SHISA9: variants seen among roughly 807,000 people sequenced by gnomAD.
SHISA9 encodes shisa family member 9, also known as protein shisa-9.
Under a neutral mutation model 38.0 loss-of-function variants are expected in SHISA9, and 13 were observed. That is an observed-to-expected ratio of 0.34 (90% CI 0.22 to 0.54). SHISA9 has a LOEUF of 0.54. SHISA9 is among the 20% of genes least tolerant of loss of function. The pLI, the probability that SHISA9 is intolerant of heterozygous loss-of-function variation, is 0.91. For synonymous variants in SHISA9, 275 were observed against 242.0 expected, an observed-to-expected ratio of 1.14 and a Z score of -1.27; for missense variants, 538 against 575.8, an observed-to-expected ratio of 0.93 and a Z score of 0.67.
intron 2 of SHISA9, among the ~76,000 whole-genome samples, chr16:13,126,816 G>GAGAGAC (rs2050261923): frequency 8.0e-6 from 1 of 124,476 alleles, no homozygotes; most frequent in South Asian, 2.9e-4. Context: ...GAGAGAGAGA[G>GAGAGAC]AGCTGAGGGA....
intron 2 of SHISA9, among the ~76,000 whole-genome samples, chr16:13,054,440 T>G (rs899602237): frequency 6.6e-6 from 1 of 152,228 alleles, no homozygotes; most frequent in Non-Finnish European, 1.5e-5. Flanking sequence ...CTGTTCTATT[T>G]TGAACTCCCC....
intron 2 of SHISA9, among the ~76,000 whole-genome samples, chr16:13,156,308 G>A (rs556116795): frequency 1.2e-3 from 178 of 152,316 alleles, no homozygotes; most frequent in Non-Finnish European, 2.3e-3. Context: ...GTACTTGCCA[G>A]CATGCTTAGC....
chr16:13,551,910 C>T, the SHISA9 span, among the ~76,000 whole-genome samples: 4 of 152,118 alleles, frequency 2.6e-5, no homozygotes, highest in East Asian at 7.7e-4. Context: ...GCCTGTAGTC[C>T]TAGCTACTGG....
chr16:13,256,280 G>T, the SHISA9 span, among the ~76,000 whole-genome samples: 3 of 152,002 alleles, frequency 2.0e-5, no homozygotes, highest in East Asian at 1.9e-4. Context: ...ATATGTGTAT[G>T]TATTTATTTA....
chr16:13,027,790 G>T lies in SHISA9; in HGVS notation c.691+110975G>T, dbSNP rs574916099. Among the ~76,000 whole-genome samples the T allele has an allele frequency of 4.7e-4, 71 of 151,994 alleles. 1 individual carries two copies. Among genetic ancestry groups the T allele is most frequent in the Non-Finnish European group, 9.6e-4 (65 of 67,970 alleles). On this transcript the variant is annotated intron_variant, in intron 2 of 4. Coordinates refer to ENST00000558583, the MANE Select transcript of SHISA9 (RefSeq NM_001145204.3). ...AAAAGTACAAAAATTAGCTGGGTAT[G>T]GTGGTGCACTCCTGTAATCCCAGCT...
chr16:12,915,116 G>C (rs1456848341), intron 1 of SHISA9, among the ~76,000 whole-genome samples: 1 of 152,184 alleles, frequency 6.6e-6, no homozygotes, highest in Non-Finnish European at 1.5e-5. Context: ...AATTCTACTT[G>C]TGGGTTTGCA....
At chr16:13,437,651 C>T in the SHISA9 span, among the ~76,000 whole-genome samples, 3 of 152,240 alleles carry the variant, frequency 2.0e-5, no homozygotes, top group African/African-American at 4.8e-5. Context: ...TTGCAATTCC[C>T]TCTGCTGTGA....
chr16:13,114,470 A>AG (rs2074011104), intron 2 of SHISA9, among the ~76,000 whole-genome samples: 1 of 136,354 alleles, frequency 7.3e-6, no homozygotes, highest in Admixed American at 7.9e-5. Context: ...CATCTCAAAA[A>AG]AAAAAAAAAA....
the SHISA9 span, among the ~76,000 whole-genome samples, chr16:13,370,013 G>A: frequency 6.6e-6 from 1 of 152,004 alleles, no homozygotes; most frequent in African/African-American, 2.4e-5. Flanking sequence ...CTCATTGGTT[G>A]ATACAATTCA....
Position 13,235,578 on chromosome 16 carries a change from C to G in SHISA9, c.*169C>G. 1 of 864,364 alleles carries G rather than the reference C, an allele frequency of 1.2e-6. No individual in the cohort carries two copies. Among genetic ancestry groups the G allele is most frequent in the East Asian group, 2.7e-5 (1 of 37,094 alleles). 53.5% of individuals were successfully genotyped at this position (864,364 alleles called of 1,614,324 possible). ...ACACAGAGTCGCGCTTTTCCTAGGT[C>G]ATGCCTGTAACGTGTCGGCGGGCAG... On this transcript the variant is annotated 3_prime_UTR_variant, in exon 5 of 5. Transcript: ENST00000558583.
chr16:12,978,829 A>C (rs1186353933), intron 2 of SHISA9, among the ~76,000 whole-genome samples: 1 of 152,256 alleles, frequency 6.6e-6, no homozygotes, highest in Non-Finnish European at 1.5e-5. Flanking sequence ...GGATAGAAGG[A>C]TAGATGAGTG....
At chr16:13,487,256 G>A in the SHISA9 span, among the ~76,000 whole-genome samples, 3 of 152,212 alleles carry the variant, frequency 2.0e-5, no homozygotes, top group Non-Finnish European at 2.9e-5. Context: ...ATCTCTGTGT[G>A]TTAGGCCGTT....
chr16:13,230,096 G>T (rs545459007), intron 4 of SHISA9, among the ~76,000 whole-genome samples: 1 of 152,172 alleles, frequency 6.6e-6, no homozygotes, highest in Non-Finnish European at 1.5e-5. Context: ...CAACAAACAC[G>T]GTTGGTGGAA....
At chr16:13,159,244 T>G (rs1048219326) in intron 2 of SHISA9, among the ~76,000 whole-genome samples, 1 of 152,190 alleles carries the variant, frequency 6.6e-6, no homozygotes, top group Admixed American at 6.5e-5. Flanking sequence ...TTAGGCATAA[T>G]ACCTAGCACA....
At chr16:13,025,372 T>C (rs2072908211) in intron 2 of SHISA9, among the ~76,000 whole-genome samples, 1 of 152,178 alleles carries the variant, frequency 6.6e-6, no homozygotes, top group African/African-American at 2.4e-5. Context: ...CAATCTGTAT[T>C]CACAAAGCTT....
At chr16:12,982,620 G>T (rs886443730) in intron 2 of SHISA9, among the ~76,000 whole-genome samples, 14 of 152,148 alleles carry the variant, frequency 9.2e-5, no homozygotes, top group Non-Finnish European at 1.9e-4. Flanking sequence ...TTCAGACTGG[G>T]TTCGTGAGAC....
intron 2 of SHISA9, among the ~76,000 whole-genome samples, chr16:13,187,954 C>T (rs1272545935): frequency 6.6e-6 from 1 of 152,118 alleles, no homozygotes; most frequent in African/African-American, 2.4e-5. Flanking sequence ...AGAGATGTTC[C>T]CTCCTAGAGA....
rs1555457583 is a variant in SHISA9, at chr16:13,049,190, G to GTT, written c.691+132376_691+132377insTT. On this transcript the variant is annotated intron_variant, in intron 2 of 4. Coordinates refer to ENST00000558583, the MANE Select transcript of SHISA9 (RefSeq NM_001145204.3). The stretch of plus-strand genomic sequence containing the variant: ...TGTGTGTGTGTGTGTGTGTGTGTGT[G>GTT]TGTGTGTGTGTGTGTATGTGTATGT... Among the ~76,000 whole-genome samples, 20 of 139,300 alleles carry GTT rather than the reference G, an allele frequency of 1.4e-4. 1 individual carries two copies. The highest frequency in any genetic ancestry group is 6.0e-4 in the African/African-American group (18 of 29,966). 91.4% of individuals were successfully genotyped at this position (139,300 alleles called of 152,430 possible). A position where few individuals can be genotyped will look rare whatever the true frequency, so the allele number is the denominator to read the frequency against.
At chr16:13,057,434 G>C (rs1033978097) in intron 2 of SHISA9, among the ~76,000 whole-genome samples, 8 of 152,110 alleles carry the variant, frequency 5.3e-5, no homozygotes, top group Non-Finnish European at 1.2e-4. Context: ...TGCTCTTATA[G>C]TCCAGGCTGG....
Sources: gnomAD v4.1 joint callset for allele counts (sites outside exome capture counted in the v4.1 genomes callset) on GRCh38, gnomAD v4.1.1 for gene constraint, MANE v1.5 for transcripts, NCBI Gene and HGNC (gene_info 2026-07-23, HGNC 2026-07-21) for gene names.